The following PTK7 variants were observed in gnomAD, a reference collection of about 807,000 sequenced individuals.
The protein encoded by PTK7 is inactive tyrosine-protein kinase 7.
In PTK7, 39 loss-of-function variants were observed where a neutral mutation model predicts 116.6. That is an observed-to-expected ratio of 0.33 (90% CI 0.26 to 0.44). The LOEUF (loss-of-function observed/expected upper bound fraction) is 0.44, where lower values mean the gene tolerates loss of function less well. Ranked by LOEUF, PTK7 falls within the 20% of genes least tolerant of loss-of-function variation. The pLI is 1.00. For synonymous variants in PTK7, 546 were observed against 563.6 expected (o/e 0.97, Z 0.44); for missense variants, 1,169 against 1,425.6 (o/e 0.82, Z 2.90).
chr6:43,117,852 C>T (rs1012086900), intron 1 of PTK7, among the ~76,000 whole-genome samples: 8 of 151,706 alleles, frequency 5.3e-5, no homozygotes, highest in African/African-American at 1.9e-4. Context: ...AGGAGAGATG[C>T]TTGAACCTGG....
intron 1 of PTK7, among the ~76,000 whole-genome samples, chr6:43,110,774 C>T (rs965255802): frequency 2.6e-5 from 4 of 152,224 alleles, no homozygotes; most frequent in Non-Finnish European, 4.4e-5. Context: ...AACCCCTCTT[C>T]TGTCATTTAC....
At chr6:43,084,422 C>T (rs574983158) in intron 1 of PTK7, among the ~76,000 whole-genome samples, 48 of 152,310 alleles carry the variant, frequency 3.2e-4, no homozygotes, top group African/African-American at 1.1e-3. Context: ...GGATTACAGG[C>T]GTAAGCCATC....
intron 1 of PTK7, among the ~76,000 whole-genome samples, chr6:43,086,671 C>T (rs560500277): frequency 1.3e-5 from 2 of 151,976 alleles, no homozygotes; most frequent in Non-Finnish European, 2.9e-5. Context: ...CCTGTCTTTA[C>T]AAAAAATACA....
intron 1 of PTK7, among the ~76,000 whole-genome samples, chr6:43,111,856 A>G (rs62417476): frequency 7.3e-6 from 1 of 137,890 alleles, no homozygotes; most frequent in Non-Finnish European, 1.6e-5. Flanking sequence ...TTTTTTTTTA[A>G]TATTTAGTAG....
At chr6:43,142,781 T>C (rs1770499628) in intron 13 of PTK7, 1 of 187,566 alleles carries the variant, frequency 5.3e-6, no homozygotes, top group Admixed American at 5.4e-5. Context: ...TGAGAAGCTC[T>C]TAAACTTTCT....
At chr6:43,113,954 C>T (rs1055759488) in intron 1 of PTK7, among the ~76,000 whole-genome samples, 1 of 152,102 alleles carries the variant, frequency 6.6e-6, no homozygotes, top group African/African-American at 2.4e-5. Flanking sequence ...CACCAACAGA[C>T]AAGCTGTAAC....
intron 17 of PTK7, among the ~76,000 whole-genome samples, chr6:43,150,925 C>T (rs113915560): frequency 0.018 from 2,734 of 149,140 alleles, 85 homozygotes; most frequent in African/African-American, 0.063. Flanking sequence ...GCTCTTCAAG[C>T]GATTCTCCTG....
intron 17 of PTK7, 143 bp from the exon 18 acceptor site, chr6:43,158,674 G>C: frequency 1.2e-6 from 1 of 852,680 alleles, no homozygotes; most frequent in Non-Finnish European, 1.8e-6. Context: ...CCATTTTACA[G>C]AGAAGGAAGC....
intron 1 of PTK7, among the ~76,000 whole-genome samples, chr6:43,116,076 A>C (rs889092946): frequency 6.6e-6 from 1 of 151,822 alleles, no homozygotes. Flanking sequence ...CTCAGTCTGG[A>C]GCCTTCTCTT....
chr6:43,146,433 C>A (rs971417002), intron 16 of PTK7, among the ~76,000 whole-genome samples, 185 bp from the exon 17 acceptor site: 14 of 150,176 alleles, frequency 9.3e-5, no homozygotes, highest in African/African-American at 3.4e-4. Context: ...CTCTAGGAGG[C>A]GTCTCCTATA....
At position 43,143,715 on chromosome 6, in the gene PTK7, G is replaced by A. The variant is rs533025087; in HGVS notation, c.2251+95G>A. ...GGAGAGCGCCAGCACTCTGGAAACC[G>A]AGCGGCTGTTGCTGGGTCCTGGAGC... On this transcript the variant is annotated intron_variant, in intron 14 of 19. Transcript: ENST00000230419. This position sits in a 1 kb window ranked among gnomAD's most constrained non-coding sequence, Gnocchi z 4.2. The A allele has an allele frequency of 1.0e-5, 14 of 1,347,574 alleles. No homozygotes were observed. Among genetic ancestry groups the A allele is most frequent in the Non-Finnish European group, 1.4e-5 (14 of 997,196 alleles). 83.5% of individuals were successfully genotyped at this position (1,347,574 alleles called of 1,614,324 possible).
chr6:43,151,512 C>G (rs1319677579), intron 17 of PTK7, among the ~76,000 whole-genome samples: 2 of 145,324 alleles, frequency 1.4e-5, no homozygotes, highest in African/African-American at 2.6e-5. Context: ...GCGCCCAAGC[C>G]CCGTTTTTTT....
chr6:43,139,348 C>T lies in PTK7; in HGVS notation c.1499-58C>T, dbSNP rs1351675890. ...AAGGGGAGGGAGCAGCAGGCCTGGCCACGGCCTCTCCAGCGGCCCCAATTC... is the reference window on the plus strand; with the variant it reads ...AAGGGGAGGGAGCAGCAGGCCTGGCTACGGCCTCTCCAGCGGCCCCAATTC... On this transcript the variant is annotated intron_variant, in intron 9 of 19. Coordinates refer to ENST00000230419, the MANE Select transcript of PTK7 (RefSeq NM_002821.5). The surrounding 1 kb of genome is among the most constrained non-coding windows in gnomAD (Gnocchi z 4.6). 3 of 1,613,808 alleles carry T rather than the reference C, an allele frequency of 1.9e-6. No homozygotes were observed. Among genetic ancestry groups the T allele is most frequent in the African/African-American group, 1.3e-5 (1 of 74,944 alleles).
chr6:43,102,320 G>A (rs2150391834), intron 1 of PTK7, among the ~76,000 whole-genome samples: 1 of 152,312 alleles, frequency 6.6e-6, no homozygotes, highest in Admixed American at 6.5e-5. Flanking sequence ...AGCTACTTGG[G>A]AGGCTTAGAC....
Position 43,132,536 on chromosome 6 carries a change from G to A in PTK7, c.1077G>A (p.Ala359=), listed in dbSNP as rs61996308. 1,154 of 1,613,512 alleles carry A rather than the reference G, an allele frequency of 7.2e-4. 7 individuals are homozygous for A. The African/African-American group carries it at 0.013, about 18-fold the overall frequency. The part of the protein sequence containing the change: ...LPEPSVWWEH[A]GVRLPTHGRV... ...AGCCCAGCGTGTGGTGGGAGCACGCGGGAGTCCGGCTGCCCACCCATGGCA... is the reference window on the plus strand; with the variant it reads ...AGCCCAGCGTGTGGTGGGAGCACGCAGGAGTCCGGCTGCCCACCCATGGCA... The change falls in exon 7 of 20, where the codon GCG becomes GCA. Residue 359 remains alanine (A), a synonymous_variant. Coordinates refer to ENST00000230419, the MANE Select transcript of PTK7 (RefSeq NM_002821.5).
chr6:43,115,055 AC>A (rs1204489025), intron 1 of PTK7, among the ~76,000 whole-genome samples: 2 of 151,250 alleles, frequency 1.3e-5, no homozygotes, highest in African/African-American at 2.4e-5. Context: ...AAAAAAAAAA[AC>A]TTTACAAAAA....
At chr6:43,124,489 G>GCCTGGGCAA (rs1769160348) in intron 1 of PTK7, among the ~76,000 whole-genome samples, 2 of 152,014 alleles carry the variant, frequency 1.3e-5, no homozygotes, top group African/African-American at 4.8e-5. Context: ...TTCAAGACCA[G>GCCTGGGCAA]CCTGGGCAAC....
chr6:43,157,355 TA>T (rs1561990409), intron 17 of PTK7, among the ~76,000 whole-genome samples: 332 of 9,090 alleles, frequency 0.037, 38 homozygotes, highest in African/African-American at 0.083. Context: ...TATATATATA[TA>T]TATATATATT....
At chr6:43,091,667 C>T (rs1766962604) in intron 1 of PTK7, among the ~76,000 whole-genome samples, 1 of 152,240 alleles carries the variant, frequency 6.6e-6, no homozygotes, top group African/African-American at 2.4e-5. Flanking sequence ...GTGGTTTCAG[C>T]TACCCATGGT....
Sources: gnomAD v4.1 joint callset for allele counts (sites outside exome capture counted in the v4.1 genomes callset) on GRCh38, gnomAD v4.1.1 for gene constraint, Gnocchi (gnomAD v3.1) non-coding constraint, MANE v1.5 for transcripts, NCBI Gene and HGNC (gene_info 2026-07-23, HGNC 2026-07-21) for gene names.